The following GBE1 variants were observed in gnomAD, a reference collection of about 807,000 sequenced individuals.
GBE1 encodes the protein 1,4-alpha-glucan-branching enzyme.
GBE1 carries 70 observed loss-of-function variants against 88.8 expected under a neutral mutation model. That is an observed-to-expected ratio of 0.79 (90% confidence interval 0.65 to 0.96). GBE1 has a LOEUF of 0.96. Among genes scored for constraint, GBE1 ranks in the 40% least tolerant of loss-of-function variants. The pLI is 0.00. For synonymous variants in GBE1, 284 were observed against 300.1 expected, an observed-to-expected ratio of 0.95 and a Z score of 0.56; for missense variants, 872 against 871.0, an observed-to-expected ratio of 1.00 and a Z score of -0.01.
At chr3:81,587,909 T>C (rs914937120) in intron 9 of GBE1, among the ~76,000 whole-genome samples, 1 of 152,200 alleles carries the variant, frequency 6.6e-6, no homozygotes, top group Admixed American at 6.5e-5. Flanking sequence ...AAGACATCTT[T>C]CCACCATTAT....
chr3:81,631,212 A>G (rs1014164368), intron 7 of GBE1, among the ~76,000 whole-genome samples: 4 of 152,158 alleles, frequency 2.6e-5, no homozygotes, highest in African/African-American at 9.7e-5. Context: ...TTTAAAAAGA[A>G]AAAAAGAAAG....
At chr3:81,612,280 C>A in intron 7 of GBE1, 1 of 708,932 alleles carries the variant, frequency 1.4e-6, no homozygotes. Context: ...GTTGCCTCTT[C>A]CTGCTGGCTT....
intron 7 of GBE1, among the ~76,000 whole-genome samples, chr3:81,621,182 A>G (rs1399694817): frequency 1.3e-5 from 2 of 152,204 alleles, no homozygotes; most frequent in East Asian, 3.8e-4. Context: ...CATTTTAGAA[A>G]GCTTACTCTG....
intron 12 of GBE1, among the ~76,000 whole-genome samples, chr3:81,564,165 T>C (rs1703459294): frequency 6.6e-6 from 1 of 152,082 alleles, no homozygotes; most frequent in Non-Finnish European, 1.5e-5. Context: ...TTCCTGCACC[T>C]CTGTCCATTT....
At chr3:81,523,615 C>T (rs1195478628) in intron 14 of GBE1, among the ~76,000 whole-genome samples, 2 of 151,582 alleles carry the variant, frequency 1.3e-5, no homozygotes, top group Non-Finnish European at 3.0e-5. Context: ...CTTTTGTAGC[C>T]ATTAAGCATT....
intron 2 of GBE1, among the ~76,000 whole-genome samples, chr3:81,698,978 T>C (rs908145072): frequency 4.6e-5 from 7 of 152,042 alleles, no homozygotes; most frequent in Non-Finnish European, 1.0e-4. Context: ...TACAAAACAC[T>C]GTTTGCTGAA....
chr3:81,490,515 G>T, intron 15 of GBE1, 52 bp from the exon 16 acceptor site: 1 of 1,385,760 alleles, frequency 7.2e-7, no homozygotes, highest in Non-Finnish European at 1.0e-6. Context: ...CAAACGGCCT[G>T]TCATTATGTC....
At chr3:81,668,184 G>A (rs991408182) in intron 3 of GBE1, among the ~76,000 whole-genome samples, 14 of 152,128 alleles carry the variant, frequency 9.2e-5, no homozygotes, top group Non-Finnish European at 1.2e-4. Flanking sequence ...AATACACGGG[G>A]AGGAGAACAA....
intron 2 of GBE1, among the ~76,000 whole-genome samples, chr3:81,676,061 C>A (rs1198328977): frequency 3.3e-5 from 5 of 152,016 alleles, no homozygotes; most frequent in African/African-American, 1.2e-4. Flanking sequence ...TTTCTTTTCT[C>A]TAGCTTACTT....
intron 2 of GBE1, among the ~76,000 whole-genome samples, chr3:81,695,090 G>C (rs1247521743): frequency 6.6e-6 from 1 of 152,198 alleles, no homozygotes; most frequent in Non-Finnish European, 1.5e-5. Flanking sequence ...CTTCATTAGA[G>C]AAACACTACA....
intron 10 of GBE1, among the ~76,000 whole-genome samples, chr3:81,583,137 A>T (rs1453309983): frequency 2.6e-5 from 4 of 152,180 alleles, no homozygotes; most frequent in Non-Finnish European, 5.9e-5. Flanking sequence ...CCAGCATCAT[A>T]AACCATTTGA....
chr3:81,617,419 T>C (rs1051560475), intron 7 of GBE1, among the ~76,000 whole-genome samples: 3 of 151,934 alleles, frequency 2.0e-5, no homozygotes, highest in Non-Finnish European at 4.4e-5. Flanking sequence ...CTGTTCCTAT[T>C]ACTCTGAGCC....
intron 1 of GBE1, among the ~76,000 whole-genome samples, chr3:81,739,164 T>A (rs1464115438): frequency 6.6e-6 from 1 of 152,026 alleles, no homozygotes; most frequent in South Asian, 2.1e-4. Context: ...ATCTTGGGGG[T>A]TAGGATTCCA....
chr3:81,510,675 C>T (rs975463424), intron 14 of GBE1, among the ~76,000 whole-genome samples: 1 of 151,954 alleles, frequency 6.6e-6, no homozygotes, highest in Non-Finnish European at 1.5e-5. Context: ...ATCTCAATCA[C>T]CACTAAAGAA....
intron 7 of GBE1, among the ~76,000 whole-genome samples, chr3:81,603,457 C>A (rs1296479573): frequency 1.3e-5 from 2 of 151,842 alleles, no homozygotes; most frequent in Non-Finnish European, 2.9e-5. Context: ...AAAGAGGGTA[C>A]CAGATTATTT....
At chr3:81,665,530 C>T (rs545946551) in intron 3 of GBE1, among the ~76,000 whole-genome samples, 3 of 137,642 alleles carry the variant, frequency 2.2e-5, no homozygotes, top group South Asian at 2.2e-4. Context: ...AGCGAGACTC[C>T]GTCTCAAAAA....
chr3:81,525,641 G>A (rs1702933245), intron 14 of GBE1, among the ~76,000 whole-genome samples: 1 of 151,938 alleles, frequency 6.6e-6, no homozygotes, highest in South Asian at 2.1e-4. Flanking sequence ...GGTAGAATTC[G>A]GCTGTGAATC....
intron 7 of GBE1, among the ~76,000 whole-genome samples, chr3:81,632,838 T>C (rs1371022055): frequency 6.6e-6 from 1 of 152,168 alleles, no homozygotes; most frequent in African/African-American, 2.4e-5. Flanking sequence ...AGTCTAACAA[T>C]GCCCAGAGGG....
chr3:81,575,304 A>G (rs1169711737), intron 12 of GBE1, among the ~76,000 whole-genome samples: 1 of 152,178 alleles, frequency 6.6e-6, no homozygotes, highest in Non-Finnish European at 1.5e-5. Context: ...TCATAAAACC[A>G]TTCACAATAA....
Sources: gnomAD v4.1 joint callset for allele counts (sites outside exome capture counted in the v4.1 genomes callset) on GRCh38, gnomAD v4.1.1 for gene constraint, MANE v1.5 for transcripts, NCBI Gene and HGNC (gene_info 2026-07-23, HGNC 2026-07-21) for gene names.